The following GABRA3 variants were observed in gnomAD, a reference collection of about 807,000 sequenced individuals.
The protein encoded by GABRA3 is gamma-aminobutyric acid receptor subunit alpha-3.
Under a neutral mutation model 30.1 loss-of-function variants are expected in GABRA3, and 10 were observed. That is an observed-to-expected ratio of 0.33 (90% CI 0.20 to 0.56). The LOEUF (loss-of-function observed/expected upper bound fraction) is 0.56, where lower values mean the gene tolerates loss of function less well. Among genes scored for constraint, GABRA3 ranks in the 20% least tolerant of loss-of-function variants. The pLI, the probability that GABRA3 is intolerant of heterozygous loss-of-function variation, is 0.89. For missense variants in GABRA3, 233 were observed against 392.0 expected (o/e 0.59, Z 3.42); for synonymous variants, 151 against 146.8 (o/e 1.03, Z -0.21).
At chrX:152,402,601 C>A (rs994455754) in intron 1 of GABRA3, among the ~76,000 whole-genome samples, 62 of 111,263 alleles carry the variant, frequency 5.6e-4, no homozygotes, top group African/African-American at 1.9e-3. Context: ...AGCACTGGGT[C>A]CCTATGCACC....
chrX:152,276,298 T>C (rs1939084313), intron 4 of GABRA3, among the ~76,000 whole-genome samples: 1 of 111,117 alleles, frequency 9.0e-6, no homozygotes, highest in African/African-American at 3.3e-5. Context: ...ATCAGAAAAA[T>C]GCAAACAAAA....
At chrX:152,403,860 CCCAGGTT>C (rs748306165) in intron 1 of GABRA3, among the ~76,000 whole-genome samples, 6 of 111,186 alleles carry the variant, frequency 5.4e-5, no homozygotes, top group Admixed American at 1.9e-4. Flanking sequence ...CTTTATATAA[CCCAGGTT>C]TTGAAAAACC....
At chrX:152,368,714 T>C (rs1208657777) in intron 1 of GABRA3, among the ~76,000 whole-genome samples, 2 of 87,013 alleles carry the variant, frequency 2.3e-5, no homozygotes, top group Non-Finnish European at 4.5e-5. Context: ...TTTTTTTTTT[T>C]TTTTTTTTTG....
intron 2 of GABRA3, among the ~76,000 whole-genome samples, chrX:152,357,213 T>G (rs1041791394): frequency 1.8e-5 from 2 of 111,579 alleles, no homozygotes; most frequent in African/African-American, 6.5e-5. Flanking sequence ...CCACCAGCAG[T>G]GTATGAGATA....
At chrX:152,211,808 A>T (rs1282430322) in intron 6 of GABRA3, among the ~76,000 whole-genome samples, 1 of 111,488 alleles carries the variant, frequency 9.0e-6, no homozygotes, top group Non-Finnish European at 1.9e-5. Flanking sequence ...GGTGTTACAG[A>T]AGGATTCTTA....
intron 1 of GABRA3, among the ~76,000 whole-genome samples, chrX:152,388,214 TAG>T (rs1470672505): frequency 3.6e-5 from 4 of 111,397 alleles, no homozygotes; most frequent in Non-Finnish European, 5.7e-5. Context: ...ATCAAAGAGA[TAG>T]AGTGTCTTGT....
chrX:152,282,093 T>TG (rs1268874738), intron 4 of GABRA3, among the ~76,000 whole-genome samples: 3 of 112,213 alleles, frequency 2.7e-5, no homozygotes, highest in African/African-American at 9.7e-5. Flanking sequence ...GGCCAGTGTT[T>TG]GGCCAAGGAA....
chrX:152,405,263 C>T (rs775915975), intron 1 of GABRA3, among the ~76,000 whole-genome samples: 3 of 87,305 alleles, frequency 3.4e-5, no homozygotes, highest in Non-Finnish European at 6.5e-5. Flanking sequence ...TGCCACGGTG[C>T]ATCTACACCA....
intron 5 of GABRA3, among the ~76,000 whole-genome samples, chrX:152,232,373 T>C (rs984792242): frequency 2.5e-4 from 27 of 109,959 alleles, no homozygotes; most frequent in African/African-American, 8.2e-4. Flanking sequence ...GAATAATGTA[T>C]ATTGTGCCAT....
At chrX:152,187,463 C>A (rs942267067) in intron 9 of GABRA3, 12 of 111,655 alleles carry the variant, frequency 1.1e-4, no homozygotes, top group Admixed American at 2.9e-4. Flanking sequence ...CTCTGACTAC[C>A]ACATAGTGGC....
chrX:152,326,450 G>A (rs1246829825), intron 3 of GABRA3, among the ~76,000 whole-genome samples: 1 of 111,424 alleles, frequency 9.0e-6, no homozygotes, highest in African/African-American at 3.3e-5. Flanking sequence ...AGGGCAGCCA[G>A]AAAGAAAGGT....
chrX:152,275,989 T>C (rs1036894403), intron 4 of GABRA3, among the ~76,000 whole-genome samples: 3 of 109,942 alleles, frequency 2.7e-5, no homozygotes, highest in Non-Finnish European at 5.7e-5. Flanking sequence ...GAAAAGATGG[T>C]CTAATATTAG....
intron 7 of GABRA3, among the ~76,000 whole-genome samples, chrX:152,202,960 C>T (rs1937504169): frequency 8.9e-6 from 1 of 111,808 alleles, no homozygotes; most frequent in South Asian, 3.7e-4. Flanking sequence ...AGAAAGAAAA[C>T]AACAGGAAAG....
chrX:152,188,400 T>C (rs943425067), intron 9 of GABRA3, among the ~76,000 whole-genome samples: 6 of 110,869 alleles, frequency 5.4e-5, no homozygotes, highest in African/African-American at 2.0e-4. Flanking sequence ...AAGGGAGCAA[T>C]AGTAGTATAG....
chrX:152,299,220 G>C (rs1939587868), intron 3 of GABRA3, among the ~76,000 whole-genome samples: 1 of 112,111 alleles, frequency 8.9e-6, no homozygotes, highest in Non-Finnish European at 1.9e-5. Context: ...CCAGAATTCT[G>C]AGTCTGAAAA....
At chrX:152,268,077 T>C (rs1040747879) in intron 4 of GABRA3, among the ~76,000 whole-genome samples, 2 of 111,520 alleles carry the variant, frequency 1.8e-5, no homozygotes, top group South Asian at 7.5e-4. Context: ...ATTAGGTTTT[T>C]TTTGGAGTGT....
intron 3 of GABRA3, among the ~76,000 whole-genome samples, chrX:152,301,254 T>C (rs1939625269): frequency 8.9e-6 from 1 of 111,869 alleles, no homozygotes; most frequent in African/African-American, 3.2e-5. Flanking sequence ...CAGAATCCTA[T>C]ATCCAGCAAA....
At chrX:152,295,423 C>A (rs768880618) in intron 3 of GABRA3, among the ~76,000 whole-genome samples, 1 of 113,144 alleles carries the variant, frequency 8.8e-6, no homozygotes, top group East Asian at 2.8e-4. Context: ...CTCCCCCTGC[C>A]AGGCTGTTGC....
chrX:152,248,038 G>A (rs778669976), intron 5 of GABRA3, among the ~76,000 whole-genome samples: 1 of 110,646 alleles, frequency 9.0e-6, no homozygotes, highest in South Asian at 3.9e-4. Flanking sequence ...TATCCAGTTG[G>A]ACTTCAACAT....
Sources: gnomAD v4.1 joint callset for allele counts (sites outside exome capture counted in the v4.1 genomes callset) on GRCh38, gnomAD v4.1.1 for gene constraint, MANE v1.5 for transcripts, NCBI Gene and HGNC (gene_info 2026-07-23, HGNC 2026-07-21) for gene names.